WIZ: variants seen among roughly 807,000 people sequenced by gnomAD.
WIZ encodes the protein protein Wiz.
A neutral mutation model predicts 140.2 loss-of-function variants in WIZ; 25 were observed. The observed-to-expected ratio is 0.18, with a 90% CI of 0.13 to 0.25. The LOEUF is 0.25. Among genes scored for constraint, WIZ ranks in the 10% least tolerant of loss-of-function variants. WIZ has a pLI of 1.00. For missense variants in WIZ, 2,231 were observed against 2,632.6 expected, an observed-to-expected ratio of 0.85 and a Z score of 3.34; for synonymous variants, 1,125 against 1,154.3, an observed-to-expected ratio of 0.97 and a Z score of 0.51.
Position 15,437,913 on chromosome 19 carries a change from C to T in WIZ, c.2416+665G>A, listed in dbSNP as rs193104857. Among the ~76,000 whole-genome samples the T allele has an allele frequency of 1.1e-3, 169 of 152,238 alleles. 1 individual carries two copies. The highest frequency in any genetic ancestry group is 1.7e-3 in the Non-Finnish European group (114 of 68,010). ...GCCTCCTGGTTCTCCCAGCTTTCCC[C>T]GCATCTCAGCCCTGCTCACTCGGTG... On this transcript the variant is annotated intron_variant, in intron 4 of 12. Transcript: ENST00000673675.
At position 15,440,827 on chromosome 19, in the gene WIZ, C is replaced by G. The variant is rs1028387840; in HGVS notation, c.279-112G>C. On this transcript the variant is annotated intron_variant, in intron 3 of 12. Coordinates refer to ENST00000673675, the MANE Select transcript of WIZ (RefSeq NM_001371589.1). This position sits in a 1 kb window ranked among gnomAD's most constrained non-coding sequence, Gnocchi z 6.2. ...TGAAGCAGGCCCCGGAGATCCAGCC[C>G]GAGGGTGACAGGGGTGTGGGGGTGA... is the stretch of plus-strand genomic sequence containing the variant. The G allele has an allele frequency of 3.1e-5, 29 of 935,870 alleles. No homozygotes were observed. Among genetic ancestry groups the G allele is most frequent in the East Asian group, 9.6e-5 (3 of 31,410 alleles). The allele number at this position is 935,870 out of a possible 1,614,324, so 58.0% of individuals were successfully genotyped here. A position where few individuals can be genotyped will look rare whatever the true frequency, so the allele number is the denominator to read the frequency against.
In WIZ at chr19:15,431,070, G is replaced by A. The variant is rs1163213338; in HGVS notation, c.2853C>T (p.Ser951=). The A allele has an allele frequency of 6.5e-7, 1 of 1,535,916 alleles. No homozygotes were observed. Among genetic ancestry groups the A allele is most frequent in the African/African-American group, 1.4e-5 (1 of 73,154 alleles). ...GALEQVASRL[S]SKVAAEVPHG... ...GAGGAACCTCTGCAGCCACTTTGCT[G>A]CTCAGCCGACTGGCCACCTGCTCCA... is the stretch of plus-strand genomic sequence containing the variant. Residue 951 remains serine (S), a synonymous_variant, in exon 6 of 13, where the codon AGC becomes AGT. Coordinates refer to ENST00000673675, the MANE Select transcript of WIZ (RefSeq NM_001371589.1).
chr19:15,433,872 C>T (rs1039388838), intron 5 of WIZ, among the ~76,000 whole-genome samples: 5 of 152,232 alleles, frequency 3.3e-5, no homozygotes, highest in Admixed American at 3.3e-4. Flanking sequence ...TTTGCAGGCT[C>T]ATGAATGCCC....
chr19:15,423,585 A>T (rs11085952), intron 12 of WIZ, among the ~76,000 whole-genome samples: 2 of 151,872 alleles, frequency 1.3e-5, no homozygotes, highest in African/African-American at 2.4e-5. Flanking sequence ...CAAGCCCCCC[A>T]CCTCCTCCTG....
At chr19:15,443,733 G>A (rs1436756193) in intron 2 of WIZ, among the ~76,000 whole-genome samples, 3 of 152,134 alleles carry the variant, frequency 2.0e-5, no homozygotes, top group South Asian at 4.2e-4. Flanking sequence ...GTACTTTGTC[G>A]GCTTCGTTCA....
chr19:15,428,962 AC>A lies in WIZ; in HGVS notation c.3416-455del, dbSNP rs545912543. On this transcript the variant is annotated intron_variant, in intron 7 of 12. Transcript: ENST00000673675. This position sits in a 1 kb window ranked among gnomAD's most constrained non-coding sequence, Gnocchi z 6.4. Reference sequence around the variant, plus strand: ...GGGCAGGGGGTGAGACCCTGGGGTCACCCCCAGACTCTAATGTCCACAAAGA... The same window carrying A: ...GGGCAGGGGGTGAGACCCTGGGGTCACCCCAGACTCTAATGTCCACAAAGA... Among the ~76,000 whole-genome samples, 109 of 152,256 alleles carry A rather than the reference AC, an allele frequency of 7.2e-4. No individual in the cohort carries two copies. Among genetic ancestry groups the A allele is most frequent in the African/African-American group, 2.6e-3 (106 of 41,552 alleles).
chr19:15,448,362 G>A lies in WIZ; in HGVS notation c.-55C>T. 1 of 1,596,182 alleles carries A rather than the reference G, an allele frequency of 6.3e-7. No individual in the cohort carries two copies. Among genetic ancestry groups the A allele is most frequent in the South Asian group, 1.1e-5 (1 of 90,586 alleles). ...TGCTGCACCGGCTCAGCGGGGCATT[G>A]TGGGCCTGGGGATAGAGAGAAGGAA... On this transcript the variant is annotated 5_prime_UTR_variant, in exon 2 of 13. Transcript: ENST00000673675.
At position 15,436,931 on chromosome 19, in the gene WIZ, C is replaced by T; in HGVS notation, c.2615G>A (p.Ser872Asn). 6.2e-7 allele frequency: 1 copy of T among 1,613,368 alleles called. No homozygotes were observed. Among genetic ancestry groups the T allele is most frequent in the Non-Finnish European group, 8.5e-7 (1 of 1,179,700 alleles). ...ACCCCCAGGCTCTCGGCCCAGGGGGCTGGGGGGCTGCTCAGCAGCAGAGGT... is the reference window on the plus strand; with the variant it reads ...ACCCCCAGGCTCTCGGCCCAGGGGGTTGGGGGGCTGCTCAGCAGCAGAGGT... Reference protein sequence around the residue: ...LATSAAEQPPSPLGREPGGPP... With the variant: ...LATSAAEQPPNPLGREPGGPP... The change falls in exon 5 of 13, where the codon AGC becomes AAC. Residue 872 changes from serine to asparagine, a missense_variant. Physicochemically the swap from Ser to Asn is conservative, Grantham distance 46. Transcript: ENST00000673675.
At chr19:15,441,765 C>T (rs1969754303) in intron 3 of WIZ, among the ~76,000 whole-genome samples, 1 of 152,190 alleles carries the variant, frequency 6.6e-6, no homozygotes, top group South Asian at 2.1e-4. Context: ...AAAGGACCAT[C>T]CTCCTGGGGC....
At position 15,425,458 on chromosome 19, in the gene WIZ, G is replaced by C. The variant is rs764894905; in HGVS notation, c.4677C>G (p.Gly1559=). The change falls in exon 10 of 13, where the codon GGC becomes GGG. Residue 1559 remains glycine (G), a synonymous_variant. Transcript: ENST00000673675. ...LPLSPLAGRP[G]KPGAGPAQVP... ...CCTGGGCCGGCCCTGCACCTGGTTTGCCTGGCCGGCCAGCCAGGGGCGACA... is the reference window on the plus strand; with the variant it reads ...CCTGGGCCGGCCCTGCACCTGGTTTCCCTGGCCGGCCAGCCAGGGGCGACA... The C allele has an allele frequency of 6.3e-7, 1 of 1,587,422 alleles. No individual in the cohort carries two copies. Among genetic ancestry groups the C allele is most frequent in the African/African-American group, 1.3e-5 (1 of 74,368 alleles).
chr19:15,436,740 G>C, intron 5 of WIZ, 66 bp downstream of exon 5: 1 of 1,426,444 alleles, frequency 7.0e-7, no homozygotes. Flanking sequence ...CTCCAGCCCC[G>C]CCCCTCCAAT....
chr19:15,433,308 G>A, intron 5 of WIZ: 4 of 985,442 alleles, frequency 4.1e-6, no homozygotes, highest in Non-Finnish European at 4.8e-6. Context: ...ATTGTCCCCA[G>A]CTGTTCCTTG....
In WIZ at chr19:15,424,657, G is replaced by A; in HGVS notation, c.5270C>T (p.Pro1757Leu). 6.3e-7 allele frequency: 1 copy of A among 1,591,512 alleles called. No individual in the cohort carries two copies. The highest frequency in any genetic ancestry group is 8.5e-7 in the Non-Finnish European group (1 of 1,177,628). The change falls in exon 11 of 13, where the codon CCA (proline) becomes CTA (leucine). Residue 1757 changes from proline (P) to leucine (L), a missense_variant. By Grantham distance (98) the Pro-to-Leu change is moderately conservative. This residue lies in a region of WIZ where 299 missense variants were observed against 309.6 expected (regional missense o/e 0.97). Coordinates refer to ENST00000673675, the MANE Select transcript of WIZ (RefSeq NM_001371589.1). The surrounding 1 kb of genome is among the most constrained non-coding windows in gnomAD (Gnocchi z 9.7). ...GGERPLAASPPGTVKAEEHQR... is the reference protein window; with the variant it reads ...GGERPLAASPLGTVKAEEHQR... ...GTGCTCCTCAGCCTTCACGGTGCCT[G>A]GCGGGCTGGCTGCCAGAGGCCGCTC...
chr19:15,441,825 A>G (rs1465291493), intron 3 of WIZ, among the ~76,000 whole-genome samples: 1 of 152,196 alleles, frequency 6.6e-6, no homozygotes, highest in Non-Finnish European at 1.5e-5. Flanking sequence ...TGTAGCTCAT[A>G]GCAGCTATTA....
rs756281155 is a variant in WIZ at position 15,427,064 on chromosome 19, C to G, written c.4284G>C (p.Leu1428=). Residue 1428 remains leucine (L), a synonymous_variant, in exon 9 of 13, where the codon CTG becomes CTC. Transcript: ENST00000673675. The surrounding 1 kb of genome is among the most constrained non-coding windows in gnomAD (Gnocchi z 6.4). ...QIRVEIKREM[L]PGALHGELHP... is the part of the protein sequence containing the mutation. ...GCAGTTCCCCATGAAGGGCCCCCGGCAGCATCTCCCGCTTGATCTCCACCC... is the reference window on the plus strand; with the variant it reads ...GCAGTTCCCCATGAAGGGCCCCCGGGAGCATCTCCCGCTTGATCTCCACCC... 6.2e-6 allele frequency: 10 copies of G among 1,614,212 alleles called. No homozygotes were observed. The South Asian group carries it at 1.1e-4, about 18-fold the overall frequency.
rs954492101 is a variant in WIZ at position 15,442,300 on chromosome 19, C to A, written c.278+376G>T. ...TGCTCTCACCCAATGCCCCTTGGAT[C>A]CTCAAGGCGAATTCATGAGATGCAT... On this transcript the variant is annotated intron_variant, in intron 3 of 12. Transcript: ENST00000673675. This position sits in a 1 kb window ranked among gnomAD's most constrained non-coding sequence, Gnocchi z 5.5. Among the ~76,000 whole-genome samples the A allele has an allele frequency of 2.6e-5, 4 of 152,180 alleles. No homozygotes were observed. Among genetic ancestry groups the A allele is most frequent in the Non-Finnish European group, 5.9e-5 (4 of 68,024 alleles).
Position 15,439,140 on chromosome 19 carries a change from C to T in WIZ, c.1854G>A (p.Glu618=), listed in dbSNP as rs1358281471. ...CTACATCCTCCTCCTCCTCCTCCTCCTCCTCCTCTTCGCTCCAAGGGCGCC... is the reference window on the plus strand; with the variant it reads ...CTACATCCTCCTCCTCCTCCTCCTCTTCCTCCTCTTCGCTCCAAGGGCGCC... The part of the protein sequence containing the change: ...ERRRPWSEEE[E]EEEEEEDVVL... Residue 618 remains glutamate, a synonymous_variant, in exon 4 of 13, where the codon GAG becomes GAA. Coordinates refer to ENST00000673675, the MANE Select transcript of WIZ (RefSeq NM_001371589.1). The surrounding 1 kb of genome is among the most constrained non-coding windows in gnomAD (Gnocchi z 7.0). The T allele has an allele frequency of 2.0e-6, 3 of 1,521,470 alleles. No homozygotes were observed. The highest frequency in any genetic ancestry group is 2.5e-5 in the East Asian group (1 of 40,802). The allele number at this position is 1,521,470 out of a possible 1,614,324, so 94.2% of individuals were successfully genotyped here.
rs759936108 is a variant in WIZ at position 15,448,160 on chromosome 19, G to C, written c.148C>G (p.Leu50Val). Residue 50 changes from leucine to valine, a missense_variant, in exon 2 of 13, where the codon CTG becomes GTG. Leu to Val is a conservative substitution (Grantham distance 32). Around this residue, in one of 15 missense-constraint regions of WIZ, gnomAD observed 85 missense variants for 90.9 expected, o/e 0.94. Coordinates refer to ENST00000673675, the MANE Select transcript of WIZ (RefSeq NM_001371589.1). ...CGGGGGCCCTCCTTGGTGACAGGCA[G>C]GTAACGGGTGGACCGGAAGATGCCA... ...EGGIFRSTRY[L>V]PVTKEGPRDI... The C allele has an allele frequency of 2.5e-6, 4 of 1,612,942 alleles. No homozygotes were observed. The highest frequency in any genetic ancestry group is 2.7e-5 in the African/African-American group (2 of 74,876).
rs376088997 is a variant in WIZ at position 15,439,976 on chromosome 19, C to T, written c.1018G>A (p.Ala340Thr). 287 of 1,535,818 alleles carry T rather than the reference C, an allele frequency of 1.9e-4. 1 individual carries two copies. The East Asian group carries it at 6.4e-3, about 34-fold the overall frequency. Residue 340 changes from alanine to threonine, a missense_variant, in exon 4 of 13, where the codon GCC becomes ACC. Physicochemically the swap from Ala to Thr is moderately conservative, Grantham distance 58. Transcript: ENST00000673675. The surrounding 1 kb of genome is among the most constrained non-coding windows in gnomAD (Gnocchi z 7.0). Reference sequence around the variant, plus strand: ...TCCGCAGGGGGCTCCTGGCCCGGGGCTCGGCGGTGCTGGCTCATGTGCTCC... The same window carrying T: ...TCCGCAGGGGGCTCCTGGCCCGGGGTTCGGCGGTGCTGGCTCATGTGCTCC... Reference protein sequence around the residue: ...LLEHMSQHRRAPGQEPPADLA... With the variant: ...LLEHMSQHRRTPGQEPPADLA...
Sources: gnomAD v4.1 joint callset for allele counts (sites outside exome capture counted in the v4.1 genomes callset) on GRCh38, gnomAD v4.1.1 for gene constraint, gnomAD v4.1.1 regional missense constraint, Gnocchi (gnomAD v3.1) non-coding constraint, MANE v1.5 for transcripts, NCBI Gene and HGNC (gene_info 2026-07-23, HGNC 2026-07-21) for gene names.